Variants in TTC17 observed in about 807,000 individuals in gnomAD.
The protein encoded by TTC17 is tetratricopeptide repeat protein 17.
TTC17 carries 58 observed loss-of-function variants against 143.8 expected under a neutral mutation model. The ratio of observed to expected loss-of-function variants is 0.40; its 90% CI spans 0.33 to 0.50. The LOEUF is 0.50. TTC17 is among the 20% of genes least tolerant of loss of function. TTC17 has a pLI of 0.49. For synonymous variants in TTC17, 501 were observed against 497.8 expected (o/e 1.01, Z -0.09); for missense variants, 1,273 against 1,392.5 (o/e 0.91, Z 1.37).
intron 21 of TTC17, among the ~76,000 whole-genome samples, chr11:43,456,629 A>G (rs950153964): frequency 2.0e-5 from 3 of 152,210 alleles, no homozygotes; most frequent in Admixed American, 2.0e-4. Context: ...TAGTGACAGA[A>G]GAACCTTTCC....
At chr11:43,467,038 T>C (rs1245351291) in intron 21 of TTC17, among the ~76,000 whole-genome samples, 2 of 152,168 alleles carry the variant, frequency 1.3e-5, no homozygotes, top group African/African-American at 4.8e-5. Flanking sequence ...ATAGCTGGAT[T>C]GCAGAGTTAA....
At chr11:43,387,853 A>C (rs2134513174) in intron 2 of TTC17, among the ~76,000 whole-genome samples, 1 of 152,366 alleles carries the variant, frequency 6.6e-6, no homozygotes, top group African/African-American at 2.4e-5. Context: ...AATACAGTCC[A>C]TCACAATAAC....
chr11:43,407,531 A>G lies in TTC17; in HGVS notation c.2018A>G (p.Asp673Gly). ...NLLIHYGLHL[D>G]ATKLLLQALA... is the part of the protein sequence containing the mutation. ...TTGATTCATTACGGCCTTCATCTTG[A>G]TGCCACTAAGCTGCTACTTCAAGCT... The change falls in exon 15 of 24, where the codon GAT becomes GGT. Residue 673 changes from aspartate to glycine, a missense_variant. By Grantham distance (94) the Asp-to-Gly change is moderately conservative. Transcript: ENST00000039989. 6.2e-7 allele frequency: 1 copy of G among 1,613,996 alleles called. No individual in the cohort carries two copies. Among genetic ancestry groups the G allele is most frequent in the Non-Finnish European group, 8.5e-7 (1 of 1,179,968 alleles).
intron 21 of TTC17, among the ~76,000 whole-genome samples, chr11:43,453,384 A>G (rs1042323502): frequency 3.3e-5 from 5 of 152,158 alleles, no homozygotes; most frequent in African/African-American, 7.2e-5. Context: ...AGAAAAAAAA[A>G]AGAGAGAAAG....
intron 16 of TTC17, among the ~76,000 whole-genome samples, chr11:43,420,912 G>A (rs1331396095): frequency 6.6e-6 from 1 of 152,132 alleles, no homozygotes; most frequent in Non-Finnish European, 1.5e-5. Context: ...ATTTGATAGA[G>A]GATATAATCT....
chr11:43,381,756 G>A (rs1416929374), intron 2 of TTC17, among the ~76,000 whole-genome samples: 1 of 152,122 alleles, frequency 6.6e-6, no homozygotes, highest in Admixed American at 6.6e-5. Flanking sequence ...ACAAAACTAT[G>A]AGACCTAGAT....
chr11:43,381,243 A>G (rs1331069979), intron 2 of TTC17, among the ~76,000 whole-genome samples: 1 of 152,132 alleles, frequency 6.6e-6, no homozygotes, highest in Non-Finnish European at 1.5e-5. Flanking sequence ...TAGCAGTGCC[A>G]GGTAAAATAT....
intron 1 of TTC17, among the ~76,000 whole-genome samples, chr11:43,368,851 C>T (rs1466644363): frequency 1.3e-5 from 2 of 152,214 alleles, no homozygotes; most frequent in Non-Finnish European, 2.9e-5. Context: ...CTCCTCCAGC[C>T]TCAGACACCA....
chr11:43,425,002 A>C (rs1187037732), intron 16 of TTC17, among the ~76,000 whole-genome samples: 2 of 152,302 alleles, frequency 1.3e-5, no homozygotes, highest in East Asian at 3.9e-4. Flanking sequence ...TTCTTGTTAT[A>C]TACACTTGTG....
intron 1 of TTC17, among the ~76,000 whole-genome samples, chr11:43,376,877 A>G (rs539044162): frequency 6.6e-6 from 1 of 152,320 alleles, no homozygotes; most frequent in African/African-American, 2.4e-5. Context: ...ACTTAAACAC[A>G]CCTAGACTGT....
chr11:43,374,052 C>G (rs1856671330), intron 1 of TTC17, among the ~76,000 whole-genome samples: 1 of 152,104 alleles, frequency 6.6e-6, no homozygotes, highest in African/African-American at 2.4e-5. Flanking sequence ...ATAAATGTGG[C>G]AGAGTATCTA....
Position 43,405,898 on chromosome 11 carries a change from T to A in TTC17, c.1708T>A (p.Leu570Ile). 6.2e-7 allele frequency: 1 copy of A among 1,613,922 alleles called. No homozygotes were observed. The highest frequency in any genetic ancestry group is 1.6e-4 in the Middle Eastern group (1 of 6,062). ...CACTCTGTCCTACTTAGTCAAAGAATTAGAGGTTCGCATGGATCTGAAAGC... is the reference window on the plus strand; with the variant it reads ...CACTCTGTCCTACTTAGTCAAAGAAATAGAGGTTCGCATGGATCTGAAAGC... ...SHTLSYLVKE[L>I]EVRMDLKAKM... Residue 570 changes from leucine to isoleucine, a missense_variant, in exon 13 of 24, where the codon TTA becomes ATA. Around this residue, in one of 3 missense-constraint regions of TTC17, gnomAD observed 878 missense variants for 899.8 expected, o/e 0.98. Coordinates refer to ENST00000039989, the MANE Select transcript of TTC17 (RefSeq NM_018259.6).
chr11:43,421,870 G>A (rs116260918), intron 16 of TTC17, among the ~76,000 whole-genome samples: 1,417 of 107,532 alleles, frequency 0.013, 28 homozygotes, highest in African/African-American at 0.048. Flanking sequence ...TGGAAAAGTT[G>A]TCTTCTACGA....
chr11:43,436,954 A>C (rs1249867667), intron 16 of TTC17, among the ~76,000 whole-genome samples: 2 of 151,896 alleles, frequency 1.3e-5, no homozygotes, highest in East Asian at 1.9e-4. Flanking sequence ...TCTGCCCTTT[A>C]TTTGTTGGGT....
intron 5 of TTC17, 92 bp downstream of exon 5, chr11:43,392,044 AT>A: frequency 7.0e-7 from 1 of 1,428,084 alleles, no homozygotes; most frequent in Non-Finnish European, 9.3e-7. Context: ...TACCTGACTA[AT>A]TTGTTTTTAT....
intron 21 of TTC17, among the ~76,000 whole-genome samples, chr11:43,482,932 C>T (rs1319092173): frequency 6.6e-6 from 1 of 151,542 alleles, no homozygotes; most frequent in Non-Finnish European, 1.5e-5. Context: ...TTCTTTGAAA[C>T]AAGTAGTAAA....
chr11:43,390,470 G>T (rs1857335382), intron 3 of TTC17: 2 of 152,124 alleles, frequency 1.3e-5, no homozygotes, highest in Non-Finnish European at 2.9e-5. Flanking sequence ...AAACAAATTA[G>T]CCAGGCATGG....
chr11:43,476,713 G>A (rs1232539127), intron 21 of TTC17, among the ~76,000 whole-genome samples: 1 of 152,192 alleles, frequency 6.6e-6, no homozygotes, highest in African/African-American at 2.4e-5. Context: ...GCAGCACGGG[G>A]ACCCTGGGCC....
intron 13 of TTC17, 83 bp from the exon 14 acceptor site, chr11:43,407,055 A>G: frequency 2.7e-6 from 2 of 735,524 alleles, no homozygotes; most frequent in Middle Eastern, 5.1e-4. Context: ...GGAGCTTAAG[A>G]AAAGACTGCC....
Sources: allele counts gnomAD v4.1 joint callset (sites outside exome capture counted in the v4.1 genomes callset), GRCh38; gene constraint gnomAD v4.1.1; regional missense constraint gnomAD v4.1.1; transcripts MANE v1.5; gene names NCBI Gene and HGNC (gene_info 2026-07-23, HGNC 2026-07-21).